NXPE2: variants seen among roughly 807,000 people sequenced by gnomAD.
NXPE2 encodes NXPE family member 2.
Under a neutral mutation model 34.4 loss-of-function variants are expected in NXPE2, and 34 were observed. That is an observed-to-expected ratio of 0.99 (90% CI 0.75 to 1.31). The LOEUF (loss-of-function observed/expected upper bound fraction) is 1.31, where lower values mean the gene tolerates loss of function less well. Among genes scored for constraint, NXPE2 ranks in the 40% most tolerant of loss-of-function variants. The pLI, the probability that NXPE2 is intolerant of heterozygous loss-of-function variation, is 0.00. For missense variants in NXPE2, 649 were observed against 672.5 expected (o/e 0.97, Z 0.39); for synonymous variants, 235 against 231.3 (o/e 1.02, Z -0.15).
the NXPE2 span, among the ~76,000 whole-genome samples, chr11:114,734,548 T>A: frequency 2.0e-5 from 3 of 152,334 alleles, no homozygotes; most frequent in South Asian, 2.1e-4. Flanking sequence ...ACCAGGTGTA[T>A]GGCTAATAAT....
At chr11:114,614,354 C>G in the NXPE2 span, among the ~76,000 whole-genome samples, 1 of 151,294 alleles carries the variant, frequency 6.6e-6, no homozygotes, top group Admixed American at 6.6e-5. Flanking sequence ...AGTGTTGCCT[C>G]TAGGGTAACC....
chr11:114,687,583 C>G (rs1401577459), intron 2 of NXPE2, among the ~76,000 whole-genome samples: 1 of 151,876 alleles, frequency 6.6e-6, no homozygotes, highest in Non-Finnish European at 1.5e-5. Flanking sequence ...CTTAGGATTG[C>G]CTTGACTATT....
chr11:114,539,931 A>G, the NXPE2 span, among the ~76,000 whole-genome samples: 1 of 152,204 alleles, frequency 6.6e-6, no homozygotes, highest in Non-Finnish European at 1.5e-5. Context: ...CACACACTAC[A>G]TACTAAAGTT....
the NXPE2 span, among the ~76,000 whole-genome samples, chr11:114,736,381 T>A: frequency 1.3e-5 from 2 of 152,190 alleles, no homozygotes; most frequent in Non-Finnish European, 2.9e-5. Context: ...CCTCAGGGGT[T>A]CATTCTCTTT....
At chr11:114,507,804 C>G in the NXPE2 span, among the ~76,000 whole-genome samples, 1 of 151,788 alleles carries the variant, frequency 6.6e-6, no homozygotes. Flanking sequence ...TGGGCAAAAG[C>G]TGGAAGCATT....
intron 3 of NXPE2, among the ~76,000 whole-genome samples, chr11:114,702,297 A>G (rs924976198): frequency 2.6e-5 from 4 of 152,140 alleles, no homozygotes; most frequent in South Asian, 2.1e-4. Context: ...TTCCTTTATA[A>G]CATTAATACA....
the NXPE2 span, among the ~76,000 whole-genome samples, chr11:114,661,553 T>A: frequency 1.3e-5 from 2 of 152,206 alleles, no homozygotes; most frequent in Non-Finnish European, 2.9e-5. Flanking sequence ...ATATCATGGG[T>A]ACCATTTGGG....
the NXPE2 span, among the ~76,000 whole-genome samples, chr11:114,793,984 T>TA: frequency 6.6e-6 from 1 of 152,186 alleles, no homozygotes; most frequent in Non-Finnish European, 1.5e-5. Context: ...GCAAGTGCTA[T>TA]AGTCCTACAC....
chr11:114,514,388 TA>T, the NXPE2 span, among the ~76,000 whole-genome samples: 2 of 152,138 alleles, frequency 1.3e-5, no homozygotes, highest in Non-Finnish European at 2.9e-5. Flanking sequence ...TTCTAGTGAT[TA>T]TCTTTCTTTC....
At chr11:114,695,639 C>T (rs916839620) in intron 2 of NXPE2, among the ~76,000 whole-genome samples, 1 of 152,004 alleles carries the variant, frequency 6.6e-6, no homozygotes, top group Admixed American at 6.6e-5. Flanking sequence ...ATCAATAGAA[C>T]ACTAAATATA....
At chr11:114,625,315 G>C in the NXPE2 span, among the ~76,000 whole-genome samples, 11 of 152,246 alleles carry the variant, frequency 7.2e-5, no homozygotes, top group African/African-American at 2.2e-4. Context: ...TGGATAATAA[G>C]TGTTGCACTG....
chr11:114,791,926 T>C, the NXPE2 span, among the ~76,000 whole-genome samples: 255 of 152,080 alleles, frequency 1.7e-3, 2 homozygotes, highest in Middle Eastern at 6.8e-3. Context: ...GGCATGGTGG[T>C]GGGCGCCTGT....
the NXPE2 span, chr11:114,513,101 G>T: frequency 1.9e-6 from 1 of 530,542 alleles, no homozygotes; most frequent in Non-Finnish European, 3.8e-6. Context: ...CACCTTTCCT[G>T]AAGCACCTGC....
chr11:114,796,390 T>C, the NXPE2 span, among the ~76,000 whole-genome samples: 1 of 152,146 alleles, frequency 6.6e-6, no homozygotes, highest in Non-Finnish European at 1.5e-5. Context: ...AACTTTTATG[T>C]ATATTATTAT....
downstream of NXPE2, among the ~76,000 whole-genome samples, chr11:114,711,822 A>T (rs1163521348): frequency 2.0e-5 from 3 of 152,188 alleles, no homozygotes; most frequent in African/African-American, 7.2e-5. Context: ...ACAAAGTTGT[A>T]GGCCTCACAC....
At chr11:114,651,928 G>C in the NXPE2 span, among the ~76,000 whole-genome samples, 2 of 152,194 alleles carry the variant, frequency 1.3e-5, no homozygotes, top group African/African-American at 4.8e-5. Flanking sequence ...ACAAAACAAA[G>C]AAACAAACCA....
chr11:114,576,584 A>G, the NXPE2 span, among the ~76,000 whole-genome samples: 1 of 152,152 alleles, frequency 6.6e-6, no homozygotes, highest in African/African-American at 2.4e-5. Context: ...TGGTGAACAA[A>G]CATATGGAAA....
the NXPE2 span, among the ~76,000 whole-genome samples, chr11:114,517,667 G>A: frequency 6.6e-6 from 1 of 152,166 alleles, no homozygotes. Flanking sequence ...TCATGGAGCT[G>A]GGATCACAGC....
chr11:114,467,347 T>G, the NXPE2 span, among the ~76,000 whole-genome samples: 2 of 152,208 alleles, frequency 1.3e-5, no homozygotes, highest in African/African-American at 4.8e-5. Context: ...CGTTCCACAT[T>G]TTTGACTGAA....
Sources: gnomAD v4.1 joint callset for allele counts (sites outside exome capture counted in the v4.1 genomes callset) on GRCh38, gnomAD v4.1.1 for gene constraint, MANE v1.5 for transcripts, NCBI Gene and HGNC (gene_info 2026-07-23, HGNC 2026-07-21) for gene names.